Variants in MYT1L observed in about 807,000 individuals in gnomAD.
MYT1L encodes the protein myelin transcription factor 1-like protein.
In MYT1L, 12 loss-of-function variants were observed where a neutral mutation model predicts 126.7. The observed-to-expected ratio is 0.09, with a 90% CI of 0.06 to 0.15. MYT1L has a LOEUF of 0.15. Ranked by LOEUF, MYT1L falls within the 10% of genes least tolerant of loss-of-function variation. The pLI is 1.00. For synonymous variants in MYT1L, 541 were observed against 604.2 expected (o/e 0.90, Z 1.53); for missense variants, 979 against 1,585.2 (o/e 0.62, Z 6.49).
chr2:1,872,895 C>T (rs1237759214), intron 18 of MYT1L, among the ~76,000 whole-genome samples: 2 of 151,332 alleles, frequency 1.3e-5, no homozygotes, highest in African/African-American at 4.9e-5. Context: ...CAGGTAGGGG[C>T]CAGCATGATC....
At chr2:2,290,126 T>C (rs1295393803) in intron 1 of MYT1L, among the ~76,000 whole-genome samples, 2 of 152,198 alleles carry the variant, frequency 1.3e-5, no homozygotes, top group Admixed American at 6.5e-5. Flanking sequence ...TTGCAGGACA[T>C]GGGCAGAGAA....
chr2:1,971,727 T>C (rs1364329297), intron 8 of MYT1L, among the ~76,000 whole-genome samples: 2 of 152,074 alleles, frequency 1.3e-5, no homozygotes, highest in Non-Finnish European at 2.9e-5. Flanking sequence ...CGAGACTCCA[T>C]CTCAAAAAAC....
At chr2:2,129,059 A>G (rs865997165) in intron 3 of MYT1L, among the ~76,000 whole-genome samples, 4 of 152,256 alleles carry the variant, frequency 2.6e-5, no homozygotes, top group African/African-American at 9.6e-5. Context: ...TTTTCTTTCT[A>G]TTATCAGTCG....
At chr2:2,025,640 C>T (rs2065465988) in intron 4 of MYT1L, among the ~76,000 whole-genome samples, 2 of 152,130 alleles carry the variant, frequency 1.3e-5, no homozygotes, top group African/African-American at 4.8e-5. Context: ...ATCAATACGC[C>T]CAAGTCTTCC....
intron 3 of MYT1L, among the ~76,000 whole-genome samples, chr2:2,146,460 G>C (rs1353532398): frequency 6.6e-6 from 1 of 152,158 alleles, no homozygotes; most frequent in Non-Finnish European, 1.5e-5. Flanking sequence ...GGGCTGCGGA[G>C]GATGGAGCAT....
In MYT1L at chr2:2,180,362, T is replaced by TAAA. The variant is rs567729988; in HGVS notation, c.-420-7377_-420-7375dup. On this transcript the variant is annotated intron_variant, in intron 2 of 24. Coordinates refer to ENST00000647738, the MANE Select transcript of MYT1L (RefSeq NM_001303052.2). Reference sequence around the variant, plus strand: ...AATCAAATGGAAAAACATAAGCTCTTAAAAAAAAAAAAAACAACAACCTGT... The same window carrying TAAA: ...AATCAAATGGAAAAACATAAGCTCTTAAAAAAAAAAAAAAAAACAACAACCTGT... 3.3e-3 allele frequency among the ~76,000 whole-genome samples: 453 copies of TAAA among 139,368 alleles called. 8 individuals carry two copies. The highest frequency in any genetic ancestry group is 0.024 in the Admixed American group (327 of 13,858). The allele number at this position is 139,368 out of a possible 152,430, so 91.4% of individuals were successfully genotyped here. A position where few individuals can be genotyped will look rare whatever the true frequency, so the allele number is the denominator to read the frequency against.
intron 2 of MYT1L, among the ~76,000 whole-genome samples, chr2:2,280,191 T>C (rs2095428011): frequency 6.6e-6 from 1 of 152,164 alleles, no homozygotes; most frequent in East Asian, 1.9e-4. Context: ...ATAAGGAGGA[T>C]TTCAAGCATA....
At chr2:2,081,585 A>G (rs2075828843) in intron 3 of MYT1L, among the ~76,000 whole-genome samples, 1 of 152,162 alleles carries the variant, frequency 6.6e-6, no homozygotes, top group Admixed American at 6.5e-5. Context: ...ATTCTTCATC[A>G]TGTCATTCAA....
At chr2:1,982,393 T>C (rs2060676301) in intron 5 of MYT1L, among the ~76,000 whole-genome samples, 1 of 152,190 alleles carries the variant, frequency 6.6e-6, no homozygotes, top group African/African-American at 2.4e-5. Flanking sequence ...AAACATTTAA[T>C]GAAGGCCTAT....
rs1559583083 is a variant in MYT1L at position 2,295,565 on chromosome 2, C to CAGAGAGAGAGAGAGAGACAGACAGACAG, written c.-520-11063_-520-11062insCTGTCTGTCTGTCTCTCTCTCTCTCTCT. ...AGAGAGAGAGAGAGAGACAGACAGACAGAGAGAGAGAGAGAGAGACAGACA... is the reference window on the plus strand; with the variant it reads ...AGAGAGAGAGAGAGAGACAGACAGACAGAGAGAGAGAGAGAGACAGACAGACAGAGAGAGAGAGAGAGAGAGACAGACA... On this transcript the variant is annotated intron_variant, in intron 1 of 24. Transcript: ENST00000647738. Among the ~76,000 whole-genome samples the CAGAGAGAGAGAGAGAGACAGACAGACAG allele has an allele frequency of 1.9e-3, 64 of 33,846 alleles. 10 individuals are homozygous for CAGAGAGAGAGAGAGAGACAGACAGACAG. In the East Asian group the frequency reaches 0.047, roughly 25 times the overall value. 22.2% of individuals were successfully genotyped at this position (33,846 alleles called of 152,430 possible). A position where few individuals can be genotyped will look rare whatever the true frequency, so the allele number is the denominator to read the frequency against.
Position 1,922,030 on chromosome 2 carries a change from G to A in MYT1L, c.1483+256C>T, listed in dbSNP as rs892329818. ...CTTTACCCCTGTCTTCCCAAGGAATGCATTTCCCACTGAAATATCCTACTA... is the reference window on the plus strand; with the variant it reads ...CTTTACCCCTGTCTTCCCAAGGAATACATTTCCCACTGAAATATCCTACTA... On this transcript the variant is annotated intron_variant, in intron 10 of 24. Transcript: ENST00000647738. This position sits in a 1 kb window ranked among gnomAD's most constrained non-coding sequence, Gnocchi z 7.4. Among the ~76,000 whole-genome samples, 2 of 152,168 alleles carry A rather than the reference G, an allele frequency of 1.3e-5. No homozygotes were observed. The highest frequency in any genetic ancestry group is 2.4e-5 in the African/African-American group (1 of 41,440).
At chr2:2,009,954 CTG>C (rs1159277349) in intron 4 of MYT1L, among the ~76,000 whole-genome samples, 2 of 82,712 alleles carry the variant, frequency 2.4e-5, no homozygotes, top group East Asian at 3.5e-4. Flanking sequence ...AAAGCTTTTT[CTG>C]TGTCAGTTGA....
chr2:1,947,544 G>A (rs1274114871), intron 8 of MYT1L, among the ~76,000 whole-genome samples: 3 of 152,088 alleles, frequency 2.0e-5, no homozygotes, highest in South Asian at 2.1e-4. Context: ...CGTGGGAGGC[G>A]GGCTGCCTCC....
intron 18 of MYT1L, among the ~76,000 whole-genome samples, chr2:1,851,985 C>T (rs1289464440): frequency 7.2e-5 from 11 of 152,148 alleles, no homozygotes; most frequent in Admixed American, 7.2e-4. Flanking sequence ...ACCTGTATTC[C>T]CTCCTAACAG....
At chr2:2,129,479 GA>G (rs2082093349) in intron 3 of MYT1L, among the ~76,000 whole-genome samples, 1 of 152,182 alleles carries the variant, frequency 6.6e-6, no homozygotes, top group Non-Finnish European at 1.5e-5. Context: ...GTGTGATAAA[GA>G]AGGCACTGCC....
Position 2,119,380 on chromosome 2 carries a change from A to G in MYT1L, c.-304+53492T>C, listed in dbSNP as rs141008097. The stretch of plus-strand genomic sequence containing the variant: ...TGTAGTCTAAGGTAAAAACTCATAA[A>G]TATCTCATCTTATTTGGGAGTCATT... On this transcript the variant is annotated intron_variant, in intron 3 of 24. Transcript: ENST00000647738. Among the ~76,000 whole-genome samples, 590 of 152,344 alleles carry G rather than the reference A, an allele frequency of 3.9e-3. 9 individuals carry two copies. The highest frequency in any genetic ancestry group is 0.014 in the African/African-American group (566 of 41,582).
At chr2:2,301,215 C>G (rs1230741023) in intron 1 of MYT1L, among the ~76,000 whole-genome samples, 1 of 152,192 alleles carries the variant, frequency 6.6e-6, no homozygotes, top group Non-Finnish European at 1.5e-5. Flanking sequence ...CCTACCTTCT[C>G]TCTTTTCTTT....
chr2:2,312,185 G>A (rs916953304), intron 1 of MYT1L, among the ~76,000 whole-genome samples: 1 of 152,146 alleles, frequency 6.6e-6, no homozygotes, highest in Non-Finnish European at 1.5e-5. Flanking sequence ...ATTCTGTTCC[G>A]CTTATGTTTG....
chr2:2,284,004 G>A (rs1030661363), intron 2 of MYT1L, among the ~76,000 whole-genome samples: 8 of 152,198 alleles, frequency 5.3e-5, no homozygotes, highest in African/African-American at 1.9e-4. Context: ...TCAGGCTAAA[G>A]TGAAGGAGTA....
Sources: gnomAD v4.1 joint callset for allele counts (sites outside exome capture counted in the v4.1 genomes callset) on GRCh38, gnomAD v4.1.1 for gene constraint, Gnocchi (gnomAD v3.1) non-coding constraint, MANE v1.5 for transcripts, NCBI Gene and HGNC (gene_info 2026-07-23, HGNC 2026-07-21) for gene names.